ZNF417: variants seen among roughly 807,000 people sequenced by gnomAD.
The protein encoded by ZNF417 is zinc finger protein 417.
Under a neutral mutation model 7.4 loss-of-function variants are expected in ZNF417, and 5 were observed. That is an observed-to-expected ratio of 0.68 (90% CI 0.35 to 1.43). The LOEUF (loss-of-function observed/expected upper bound fraction) is 1.43. Ranked by LOEUF, ZNF417 falls within the 40% of genes most tolerant of loss-of-function variation. The pLI, the probability that ZNF417 is intolerant of heterozygous loss-of-function variation, is 0.04. For synonymous variants in ZNF417, 147 were observed against 239.1 expected (o/e 0.61, Z 3.55); for missense variants, 437 against 697.3 (o/e 0.63, Z 4.20).
chr19:57,912,086 T>C lies in ZNF417; in HGVS notation c.137A>G (p.Glu46Gly). The change falls in exon 2 of 3, where the codon GAG (glutamate) becomes GGG (glycine). Residue 46 changes from glutamate (E) to glycine (G), a missense_variant. Coordinates refer to ENST00000312026, the MANE Select transcript of ZNF417 (RefSeq NM_152475.3). ...CAGCGAGGATATGAGAGCCAGGTTC[T>C]CTAGCATCACATCACGGTACAAGCA... ...QRCLYRDVML[E>G]NLALISSLGC... is the part of the protein sequence containing the mutation. 6.3e-7 allele frequency: 1 copy of C among 1,598,092 alleles called. No individual in the cohort carries two copies.
In ZNF417 at chr19:57,907,194, C is replaced by T. The variant is rs1455770116; in HGVS notation, c.*1356G>A. On this transcript the variant is annotated 3_prime_UTR_variant, in exon 3 of 3. Transcript: ENST00000312026. ...TGATTATCTTGCCATTTCTAACTTA[C>T]AAGCTTTATCCACATTTCTTAACCT... The T allele has an allele frequency of 6.6e-6, 1 of 152,164 alleles. No homozygotes were observed. Among genetic ancestry groups the T allele is most frequent in the Non-Finnish European group, 1.5e-5 (1 of 68,038 alleles). The allele number at this position is 152,164 out of a possible 1,614,324, so 9.4% of individuals were successfully genotyped here.
At chr19:57,912,295 CAT>C (rs1411890703) in intron 1 of ZNF417, 106 bp from the exon 2 acceptor site, 1 of 1,553,438 alleles carries the variant, frequency 6.4e-7, no homozygotes, top group African/African-American at 1.4e-5. Context: ...AGGTCCCCAA[CAT>C]AGTGTTGAAA....
chr19:57,909,249 C>A lies in ZNF417; in HGVS notation c.1029G>T (p.Gln343His). Residue 343 changes from glutamine (Q) to histidine (H), a missense_variant, in exon 3 of 3, where the codon CAG (glutamine) becomes CAT (histidine). Gln to His is a conservative substitution (Grantham distance 24). Coordinates refer to ENST00000312026, the MANE Select transcript of ZNF417 (RefSeq NM_152475.3). The stretch of plus-strand genomic sequence containing the variant: ...AAGCTCTCTCTCCAGTGTGACCTTG[C>A]TGATGTTGAATGAGGTTACCCTTTT... The part of the protein sequence containing the change: ...FGQKGNLIQH[Q>H]QGHTGERAYH... The A allele has an allele frequency of 6.2e-7, 1 of 1,614,160 alleles. No homozygotes were observed. Among genetic ancestry groups the A allele is most frequent in the Non-Finnish European group, 8.5e-7 (1 of 1,180,018 alleles).
At chr19:57,911,873 G>T (rs1485073627) in intron 2 of ZNF417, among the ~76,000 whole-genome samples, 187 bp downstream of exon 2, 1 of 152,180 alleles carries the variant, frequency 6.6e-6, no homozygotes, top group Non-Finnish European at 1.5e-5. Flanking sequence ...CCTTCCCTGG[G>T]AGCCTGGAGC....
In ZNF417 at chr19:57,909,659, C is replaced by T. The variant is rs1297849534; in HGVS notation, c.619G>A (p.Glu207Lys). 1.0e-5 allele frequency: 16 copies of T among 1,578,310 alleles called. No individual in the cohort carries two copies. The highest frequency in any genetic ancestry group is 1.4e-5 in the Non-Finnish European group (16 of 1,163,268). Residue 207 changes from glutamate to lysine, a missense_variant, in exon 3 of 3, where the codon GAG becomes AAG. Coordinates refer to ENST00000312026, the MANE Select transcript of ZNF417 (RefSeq NM_152475.3). ...SETMHGPPFQ[E>K]GKTNYSCGKR... ...CCACAACTGTAATTAGTTTTTCCCT[C>T]CTGAAAGGGTGGGCCATGCATAGTT...
In ZNF417 at chr19:57,912,353, T is replaced by C. The variant is rs112241657; in HGVS notation, c.34-164A>G. On this transcript the variant is annotated intron_variant, in intron 1 of 2. Transcript: ENST00000312026. ...GTCTCTTCATGGGCCCACTGGTCAA[T>C]TGCCATCAGCAATAAGCAGTAAGTG... is the stretch of plus-strand genomic sequence containing the variant. Among the ~76,000 whole-genome samples the C allele has an allele frequency of 8.5e-5, 13 of 152,280 alleles. No homozygotes were observed. The East Asian group carries it at 1.2e-3, about 14-fold the overall frequency.
rs201800509 is a variant in ZNF417 at position 57,908,805 on chromosome 19, C to T, written c.1473G>A (p.Pro491=). The change falls in exon 3 of 3, where the codon CCG becomes CCA. Residue 491 remains proline, a synonymous_variant. Transcript: ENST00000312026. ...IHQRIHTGER[P]YECNECGKSF... The stretch of plus-strand genomic sequence containing the variant: ...ATTTCCCACATTCATTGCATTCATA[C>T]GGCCTTTCTCCAGTGTGAATCCTCT... 100 of 1,613,348 alleles carry T rather than the reference C, an allele frequency of 6.2e-5. No homozygotes were observed. Among genetic ancestry groups the T allele is most frequent in the Middle Eastern group, 1.6e-4 (1 of 6,080 alleles).
rs186207168 is a variant in ZNF417 at position 57,907,835 on chromosome 19, A to G, written c.*715T>C. The G allele has an allele frequency of 2.0e-5, 3 of 153,110 alleles. No individual in the cohort carries two copies. Among genetic ancestry groups the G allele is most frequent in the African/African-American group, 7.2e-5 (3 of 41,600 alleles). 9.5% of individuals were successfully genotyped at this position (153,110 alleles called of 1,614,324 possible). A position where few individuals can be genotyped will look rare whatever the true frequency, so the allele number is the denominator to read the frequency against. On this transcript the variant is annotated 3_prime_UTR_variant, in exon 3 of 3. Transcript: ENST00000312026. The stretch of plus-strand genomic sequence containing the variant: ...AGGGACTGGAGATTATCTCCAGAAA[A>G]GAGCTTGGAGTGAGGAAATTAGTTA...
chr19:57,908,759 G>A lies in ZNF417; in HGVS notation c.1519C>T (p.Leu507Phe). 1 of 1,613,614 alleles carries A rather than the reference G, an allele frequency of 6.2e-7. No homozygotes were observed. The highest frequency in any genetic ancestry group is 2.2e-5 in the East Asian group (1 of 44,872). Residue 507 changes from leucine to phenylalanine, a missense_variant, in exon 3 of 3, where the codon CTT (leucine) becomes TTT (phenylalanine). This residue lies in a region of ZNF417 where 233 missense variants were observed against 235.5 expected (regional missense o/e 0.99). Transcript: ENST00000312026. ...GAATGAACTCTTTTATGAACATGAAGCGCAGAGCTGGAAAGAAATGATTTC... is the reference window on the plus strand; with the variant it reads ...GAATGAACTCTTTTATGAACATGAAACGCAGAGCTGGAAAGAAATGATTTC... ...CGKSFLSSSA[L>F]HVHKRVHSGQ... is the part of the protein sequence containing the mutation.
At chr19:57,915,059 T>C (rs1479210767) in intron 1 of ZNF417, among the ~76,000 whole-genome samples, 1 of 152,126 alleles carries the variant, frequency 6.6e-6, no homozygotes, top group African/African-American at 2.4e-5. Flanking sequence ...ATTACAAACA[T>C]GTCACGGGAT....
chr19:57,916,397 C>A lies in ZNF417; in HGVS notation c.15G>T (p.Ala5=). ...CAATTACCTGAGTCGGGCGCCTCGG[C>A]GCAGCCGCTGCCATCGGACTACTTG... MAAA[A]PRRPTQQGTV... is the part of the protein sequence containing the mutation. Residue 5 remains alanine (A), a synonymous_variant, in exon 1 of 3, where the codon GCG becomes GCT. Coordinates refer to ENST00000312026, the MANE Select transcript of ZNF417 (RefSeq NM_152475.3). The A allele has an allele frequency of 6.2e-7, 1 of 1,614,146 alleles. No homozygotes were observed. Among genetic ancestry groups the A allele is most frequent in the East Asian group, 2.2e-5 (1 of 44,880 alleles).
intron 1 of ZNF417, among the ~76,000 whole-genome samples, 188 bp downstream of exon 1, chr19:57,916,191 G>C (rs1443947500): frequency 3.9e-5 from 6 of 152,240 alleles, no homozygotes; most frequent in South Asian, 2.1e-4. Context: ...CAGCTGGCAA[G>C]GTGAACCCAC....
chr19:57,909,020 T>C lies in ZNF417; in HGVS notation c.1258A>G (p.Arg420Gly). The C allele has an allele frequency of 1.2e-6, 2 of 1,613,582 alleles. No individual in the cohort carries two copies. Among genetic ancestry groups the C allele is most frequent in the Non-Finnish European group, 1.7e-6 (2 of 1,179,544 alleles). ...CKECGKSFRY[R>G]SHLTEHQRLH... ...CTCTGGTGTTCAGTGAGGTGGGATC[T>C]GTACCTAAATGATTTCCCACATTCC... Residue 420 changes from arginine (R) to glycine (G), a missense_variant, in exon 3 of 3, where the codon AGA becomes GGA. Arg to Gly is a moderately radical substitution (Grantham distance 125). This residue lies in a region of ZNF417 where 233 missense variants were observed against 235.5 expected (regional missense o/e 0.99). Coordinates refer to ENST00000312026, the MANE Select transcript of ZNF417 (RefSeq NM_152475.3).
chr19:57,906,104 T>C lies in ZNF417; in HGVS notation c.*2446A>G, dbSNP rs1209104705. ...CAATTATAAAGGTTTTGTGGGAACA[T>C]AATTGGGTGTAATAAAATAAAAATT... On this transcript the variant is annotated 3_prime_UTR_variant, in exon 3 of 3. Transcript: ENST00000312026. 1.3e-5 allele frequency among the ~76,000 whole-genome samples: 2 copies of C among 152,142 alleles called. No homozygotes were observed. The highest frequency in any genetic ancestry group is 2.9e-5 in the Non-Finnish European group (2 of 68,036).
chr19:57,916,541 C>A lies in ZNF417; in HGVS notation c.-130G>T, dbSNP rs550413235. 2.2e-4 allele frequency: 346 copies of A among 1,539,498 alleles called. No individual in the cohort carries two copies. The highest frequency in any genetic ancestry group is 1.7e-3 in the African/African-American group (126 of 73,090). ...GTCACCGCGGTCCCCCCCCAGCACT[C>A]AGGGGCCACAAACTGGGGAAACACC... On this transcript the variant is annotated 5_prime_UTR_variant, in exon 1 of 3. Transcript: ENST00000312026.
intron 2 of ZNF417, among the ~76,000 whole-genome samples, chr19:57,911,266 C>G (rs2071897056): frequency 6.6e-6 from 1 of 152,136 alleles, no homozygotes. Context: ...AGGTACAGAA[C>G]TAACACGTGT....
rs1323731050 is a variant in ZNF417, at chr19:57,908,696, A to C, written c.1582T>G (p.Ser528Ala). The C allele has an allele frequency of 1.2e-6, 2 of 1,613,996 alleles. No homozygotes were observed. The highest frequency in any genetic ancestry group is 8.5e-7 in the Non-Finnish European group (1 of 1,180,022). ...KPYKCSECGK[S>A]FAECSSLIKH... ...ATGAGACTGGAACATTCAGCAAAGG[A>C]TTTTCCACATTCACTGCACTTATAA... Residue 528 changes from serine (S) to alanine (A), a missense_variant, in exon 3 of 3, where the codon TCC becomes GCC. Coordinates refer to ENST00000312026, the MANE Select transcript of ZNF417 (RefSeq NM_152475.3).
intron 1 of ZNF417, among the ~76,000 whole-genome samples, chr19:57,914,476 A>C (rs562371403): frequency 9.0e-5 from 11 of 122,410 alleles, no homozygotes; most frequent in African/African-American, 3.6e-4. Flanking sequence ...ACAAGACCGA[A>C]ACTCCACAAA....
Position 57,908,937 on chromosome 19 carries a change from C to A in ZNF417, c.1341G>T (p.Arg447Ser), listed in dbSNP as rs1295733473. 6.2e-7 allele frequency: 1 copy of A among 1,612,482 alleles called. No individual in the cohort carries two copies. The highest frequency in any genetic ancestry group is 1.3e-5 in the African/African-American group (1 of 74,940). The change falls in exon 3 of 3, where the codon AGG becomes AGT. Residue 447 changes from arginine (R) to serine (S), a missense_variant. Coordinates refer to ENST00000312026, the MANE Select transcript of ZNF417 (RefSeq NM_152475.3). ...TCTCATGAACGAGAAGATGATACTT[C>A]CTGTTAAATAATTTCCCACATTCCC... Reference protein sequence around the residue: ...NCRECGKLFNRKYHLLVHERV... With the variant: ...NCRECGKLFNSKYHLLVHERV...
Sources: allele counts gnomAD v4.1 joint callset (sites outside exome capture counted in the v4.1 genomes callset), GRCh38; gene constraint gnomAD v4.1.1; regional missense constraint gnomAD v4.1.1; transcripts MANE v1.5; gene names NCBI Gene and HGNC (gene_info 2026-07-23, HGNC 2026-07-21).